COG2: variants seen among roughly 807,000 people sequenced by gnomAD.
The protein encoded by COG2 is component of oligomeric golgi complex 2, also known as conserved oligomeric Golgi complex subunit 2.
COG2 carries 52 observed loss-of-function variants against 90.6 expected under a neutral mutation model. The ratio of observed to expected loss-of-function variants is 0.57; its 90% CI spans 0.46 to 0.72. COG2 has a LOEUF of 0.72. Ranked by LOEUF, COG2 falls within the 30% of genes least tolerant of loss-of-function variation. The pLI is 0.00. For synonymous variants in COG2, 337 were observed against 320.4 expected, an observed-to-expected ratio of 1.05 and a Z score of -0.55; for missense variants, 829 against 891.2, an observed-to-expected ratio of 0.93 and a Z score of 0.89.
At chr1:230,692,921 T>G (rs1451717978) in intron 17 of COG2, among the ~76,000 whole-genome samples, 1 of 152,192 alleles carries the variant, frequency 6.6e-6, no homozygotes, top group Non-Finnish European at 1.5e-5. Flanking sequence ...TGGCAATATG[T>G]TAAGAAACTA....
intron 9 of COG2, among the ~76,000 whole-genome samples, chr1:230,676,474 A>G (rs1237903986): frequency 2.0e-5 from 3 of 152,204 alleles, no homozygotes; most frequent in Non-Finnish European, 4.4e-5. Context: ...CTTAGAACAC[A>G]TTAACACCAA....
intron 9 of COG2, among the ~76,000 whole-genome samples, chr1:230,675,566 A>G (rs1399451520): frequency 6.6e-6 from 1 of 152,190 alleles, no homozygotes. Context: ...AATATACTAC[A>G]TAAATGTCCT....
chr1:230,686,663 A>C (rs1047106770), intron 12 of COG2, among the ~76,000 whole-genome samples: 5 of 152,072 alleles, frequency 3.3e-5, no homozygotes, highest in Admixed American at 6.5e-5. Context: ...TGGTTTGGGC[A>C]CTTTATTTTT....
At chr1:230,669,205 G>A (rs1166426211) in intron 6 of COG2, 151 bp from the exon 7 acceptor site, 1 of 605,444 alleles carries the variant, frequency 1.7e-6, no homozygotes, top group Non-Finnish European at 2.8e-6. Context: ...TTGGAGTGAG[G>A]GGTTCATTGT....
chr1:230,691,557 G>A lies in COG2; in HGVS notation c.2108G>A (p.Gly703Glu). The change falls in exon 17 of 18, where the codon GGA becomes GAA. Residue 703 changes from glycine (G) to glutamate (E), a missense_variant. Gly to Glu is a moderately conservative substitution (Grantham distance 98, BLOSUM62 -2). Transcript: ENST00000366669. ...LQLALDVEYL[G>E]EQIQKLGLQA... ...TTGGCCCTAGATGTTGAGTACTTGGGAGAGCAGGTAACCCATCAGCCGCCG... is the reference window on the plus strand; with the variant it reads ...TTGGCCCTAGATGTTGAGTACTTGGAAGAGCAGGTAACCCATCAGCCGCCG... 6.2e-7 allele frequency: 1 copy of A among 1,611,720 alleles called. No individual in the cohort carries two copies. The highest frequency in any genetic ancestry group is 8.5e-7 in the Non-Finnish European group (1 of 1,179,150).
chr1:230,678,667 A>G (rs1431837902), intron 9 of COG2: 2 of 1,416,682 alleles, frequency 1.4e-6, no homozygotes, highest in Non-Finnish European at 1.9e-6. Flanking sequence ...CACCAGACTT[A>G]GAGTGCCTGG....
chr1:230,657,201 G>GGT (rs34314480), intron 1 of COG2, among the ~76,000 whole-genome samples: 81,525 of 151,754 alleles, frequency 0.54, 22,615 homozygotes, highest in East Asian at 0.78. Context: ...TGAAGTGGCT[G>GGT]ACTAGTTTTT....
At chr1:230,654,316 T>G (rs926660877) in intron 1 of COG2, among the ~76,000 whole-genome samples, 1 of 152,168 alleles carries the variant, frequency 6.6e-6, no homozygotes, top group Non-Finnish European at 1.5e-5. Flanking sequence ...GGGGTCCAGT[T>G]TCAGTTTTCT....
Position 230,671,358 on chromosome 1 carries a change from A to C in COG2, c.775-158A>C, listed in dbSNP as rs535958583. On this transcript the variant is annotated intron_variant, in intron 7 of 17. Transcript: ENST00000366669. Reference sequence around the variant, plus strand: ...ATCCAAGGAAGTAGTTTTGAATGTGACCTGTTATTTACTTCACTGTTTAGA... The same window carrying C: ...ATCCAAGGAAGTAGTTTTGAATGTGCCCTGTTATTTACTTCACTGTTTAGA... 11 of 575,624 alleles carry C rather than the reference A, an allele frequency of 1.9e-5. No homozygotes were observed. In the African/African-American group the frequency reaches 2.1e-4, roughly 11 times the overall value. The allele number at this position is 575,624 out of a possible 1,614,324, so 35.7% of individuals were successfully genotyped here.
At chr1:230,644,507 A>G (rs188932933) in intron 1 of COG2, among the ~76,000 whole-genome samples, 31 of 152,362 alleles carry the variant, frequency 2.0e-4, no homozygotes, top group African/African-American at 7.5e-4. Context: ...AAGTTGGGAT[A>G]TGACATTTGC....
At chr1:230,686,898 A>G in intron 12 of COG2, 37 bp from the exon 13 acceptor site, 1 of 1,321,014 alleles carries the variant, frequency 7.6e-7, no homozygotes, top group Non-Finnish European at 1.0e-6. Context: ...GTATCTTGCT[A>G]GTGTGAAAGT....
chr1:230,647,718 T>C (rs1372510961), intron 1 of COG2, among the ~76,000 whole-genome samples: 1 of 152,228 alleles, frequency 6.6e-6, no homozygotes, highest in Non-Finnish European at 1.5e-5. Flanking sequence ...TGGTGTAGTA[T>C]TTGCATATAA....
At chr1:230,649,541 A>G (rs542018068) in intron 1 of COG2, among the ~76,000 whole-genome samples, 156 of 152,248 alleles carry the variant, frequency 1.0e-3, no homozygotes, top group Non-Finnish European at 1.8e-3. Flanking sequence ...TCTTTGTAGC[A>G]CTTACCACTA....
intron 9 of COG2, chr1:230,678,421 C>T (rs1164034279): frequency 1.0e-6 from 1 of 985,276 alleles, no homozygotes; most frequent in East Asian, 1.1e-4. Context: ...TTAGCTGCCA[C>T]TCTTAATGGT....
chr1:230,649,059 CAG>C (rs1661853405), intron 1 of COG2, among the ~76,000 whole-genome samples: 2 of 152,152 alleles, frequency 1.3e-5, no homozygotes, highest in Non-Finnish European at 2.9e-5. Context: ...ACATCAAACA[CAG>C]ATACGGTATT....
intron 1 of COG2, among the ~76,000 whole-genome samples, chr1:230,644,130 A>G (rs552541944): frequency 1.3e-5 from 2 of 152,352 alleles, no homozygotes; most frequent in African/African-American, 4.8e-5. Flanking sequence ...CAGGAAGTGA[A>G]ATCACAGAAA....
At position 230,687,048 on chromosome 1, in the gene COG2, T is replaced by A; in HGVS notation, c.1494T>A (p.Gly498=). 1 of 1,612,864 alleles carries A rather than the reference T, an allele frequency of 6.2e-7. No individual in the cohort carries two copies. Among genetic ancestry groups the A allele is most frequent in the Non-Finnish European group, 8.5e-7 (1 of 1,179,326 alleles). ...GAAACACTGAAGACCAAGGAAGTGG[T>A]CCTTCGGAAACAAAGCCTGTGGTTT... ...TQGNTEDQGS[G]PSETKPVVSI... Residue 498 remains glycine (G), a synonymous_variant, in exon 13 of 18, where the codon GGT becomes GGA. Transcript: ENST00000366669.
intron 7 of COG2, chr1:230,670,619 T>A (rs12410564): frequency 0.15 from 22,464 of 151,940 alleles, 2,218 homozygotes; most frequent in Admixed American, 0.21. Flanking sequence ...AGTGAAAAAA[T>A]TTTTTTGTGC....
At chr1:230,647,325 C>G (rs1220563844) in intron 1 of COG2, among the ~76,000 whole-genome samples, 2 of 152,132 alleles carry the variant, frequency 1.3e-5, no homozygotes, top group South Asian at 2.1e-4. Context: ...ATAAGGGGAC[C>G]CCTTACTGTA....
Sources: allele counts gnomAD v4.1 joint callset (sites outside exome capture counted in the v4.1 genomes callset), GRCh38; gene constraint gnomAD v4.1.1; transcripts MANE v1.5; gene names NCBI Gene and HGNC (gene_info 2026-07-23, HGNC 2026-07-21).